The following FRMD5 variants were observed in gnomAD, a reference collection of about 807,000 sequenced individuals.
FRMD5 encodes FERM domain containing 5.
A neutral mutation model predicts 69.0 loss-of-function variants in FRMD5; 20 were observed. The ratio of observed to expected loss-of-function variants is 0.29; its 90% CI spans 0.20 to 0.42. FRMD5 has a LOEUF of 0.42. FRMD5 is among the 10% of genes least tolerant of loss of function. FRMD5 has a pLI of 1.00. For missense variants in FRMD5, 595 were observed against 708.6 expected, an observed-to-expected ratio of 0.84 and a Z score of 1.82; for synonymous variants, 271 against 260.1, an observed-to-expected ratio of 1.04 and a Z score of -0.40.
At chr15:44,156,813 T>G (rs1409887916) in intron 1 of FRMD5, among the ~76,000 whole-genome samples, 4 of 152,202 alleles carry the variant, frequency 2.6e-5, no homozygotes, top group Non-Finnish European at 5.9e-5. Flanking sequence ...TCTACTCTAG[T>G]ACCAGCTACT....
chr15:44,011,561 C>T (rs1366084427), intron 1 of FRMD5, among the ~76,000 whole-genome samples: 2 of 152,098 alleles, frequency 1.3e-5, no homozygotes, highest in Non-Finnish European at 2.9e-5. Context: ...CGACTGAAGC[C>T]CTGAGGAGAG....
intron 1 of FRMD5, among the ~76,000 whole-genome samples, chr15:44,022,108 A>C (rs1891233696): frequency 6.6e-6 from 1 of 152,186 alleles, no homozygotes; most frequent in African/African-American, 2.4e-5. Context: ...AGAAAGTAGA[A>C]GAGTGGTTAC....
At chr15:44,073,754 C>T (rs1893638860) in intron 1 of FRMD5, among the ~76,000 whole-genome samples, 1 of 152,128 alleles carries the variant, frequency 6.6e-6, no homozygotes, top group Non-Finnish European at 1.5e-5. Flanking sequence ...AGGGGGTTCC[C>T]ACATCCTTCC....
rs536245567 is a variant in FRMD5 at position 44,106,854 on chromosome 15, C to CA, written c.102+88098dup. Among the ~76,000 whole-genome samples, 18 of 152,336 alleles carry CA rather than the reference C, an allele frequency of 1.2e-4. No individual in the cohort carries two copies. In the East Asian group the frequency reaches 3.5e-3, roughly 29 times the overall value. ...GCTGATGAAATACATTAGCCATTCT[C>CA]AAACTTTTTGGTCTCAGGACCCCTT... On this transcript the variant is annotated intron_variant, in intron 1 of 13. Coordinates refer to ENST00000417257, the MANE Select transcript of FRMD5 (RefSeq NM_032892.5).
chr15:43,957,914 T>C (rs2090139863), intron 1 of FRMD5, among the ~76,000 whole-genome samples: 1 of 152,212 alleles, frequency 6.6e-6, no homozygotes, highest in Non-Finnish European at 1.5e-5. Flanking sequence ...TTACTGAGTC[T>C]TTACTGTGGG....
At chr15:43,972,886 T>C (rs1370097977) in intron 1 of FRMD5, among the ~76,000 whole-genome samples, 3 of 152,256 alleles carry the variant, frequency 2.0e-5, no homozygotes, top group Non-Finnish European at 4.4e-5. Flanking sequence ...GGCTTCTACA[T>C]GATTGCTTTT....
At chr15:43,976,848 T>G (rs2090471221) in intron 1 of FRMD5, among the ~76,000 whole-genome samples, 1 of 151,776 alleles carries the variant, frequency 6.6e-6, no homozygotes, top group Non-Finnish European at 1.5e-5. Context: ...TTTTTTTCTT[T>G]TGAGACAGAA....
intron 1 of FRMD5, among the ~76,000 whole-genome samples, chr15:43,945,444 C>A (rs1435766206): frequency 6.6e-6 from 1 of 152,118 alleles, no homozygotes; most frequent in African/African-American, 2.4e-5. Flanking sequence ...CAGAGGAGAA[C>A]TGATTTAAAT....
chr15:44,116,258 GTTTTGT>G (rs1250114283), intron 1 of FRMD5, among the ~76,000 whole-genome samples: 4 of 150,474 alleles, frequency 2.7e-5, no homozygotes, highest in African/African-American at 7.3e-5. Context: ...GTTTTGTTTT[GTTTTGT>G]TTTTAAGAGA....
chr15:43,976,074 A>C (rs1170400567), intron 1 of FRMD5, among the ~76,000 whole-genome samples: 2 of 151,916 alleles, frequency 1.3e-5, no homozygotes, highest in African/African-American at 4.8e-5. Context: ...AAAAAAAAAA[A>C]AGGGAGAGGG....
chr15:43,878,730 C>T (rs866867545), intron 13 of FRMD5, among the ~76,000 whole-genome samples: 1 of 152,280 alleles, frequency 6.6e-6, no homozygotes, highest in Middle Eastern at 3.4e-3. Flanking sequence ...ACAGCTCTGA[C>T]TGCAGGATCT....
chr15:44,008,204 A>G, intron 1 of FRMD5, among the ~76,000 whole-genome samples: 1 of 143,534 alleles, frequency 7.0e-6, no homozygotes, highest in East Asian at 2.1e-4. Flanking sequence ...AAGTGCTGGG[A>G]TTACAGGCAT....
chr15:44,112,004 C>T (rs1186662346), intron 1 of FRMD5, among the ~76,000 whole-genome samples: 17 of 152,064 alleles, frequency 1.1e-4, no homozygotes, highest in South Asian at 6.2e-4. Context: ...CCACCACATC[C>T]GGCTAATTTT....
intron 1 of FRMD5, among the ~76,000 whole-genome samples, chr15:43,980,588 C>G (rs1051858127): frequency 6.6e-6 from 1 of 152,162 alleles, no homozygotes; most frequent in Non-Finnish European, 1.5e-5. Flanking sequence ...CTACTCTTGA[C>G]ACCATTCTTG....
In FRMD5 at chr15:44,121,436, G is replaced by A. The variant is rs886240669; in HGVS notation, c.102+73517C>T. ...TGGGAAAGGCTATTAAAAAAGTATTGCCATATTAGTGCTGAAATCTTGATC... is the reference window on the plus strand; with the variant it reads ...TGGGAAAGGCTATTAAAAAAGTATTACCATATTAGTGCTGAAATCTTGATC... On this transcript the variant is annotated intron_variant, in intron 1 of 13. Coordinates refer to ENST00000417257, the MANE Select transcript of FRMD5 (RefSeq NM_032892.5). Among the ~76,000 whole-genome samples, 7 of 152,148 alleles carry A rather than the reference G, an allele frequency of 4.6e-5. 1 individual carries two copies. The South Asian group carries it at 6.2e-4, about 14-fold the overall frequency.
chr15:43,986,419 G>T (rs1168874432), intron 1 of FRMD5, among the ~76,000 whole-genome samples: 1 of 152,190 alleles, frequency 6.6e-6, no homozygotes, highest in East Asian at 1.9e-4. Context: ...CTATTTAAGG[G>T]ACTCTAGATA....
chr15:44,132,735 A>AATGTATGTATGT (rs556557718), intron 1 of FRMD5, among the ~76,000 whole-genome samples: 84 of 118,116 alleles, frequency 7.1e-4, no homozygotes, highest in African/African-American at 2.3e-3. Context: ...GGACATCATG[A>AATGTATGTATGT]ATGTATGTAT....
At chr15:44,157,466 C>T (rs1007024569) in intron 1 of FRMD5, among the ~76,000 whole-genome samples, 2 of 152,070 alleles carry the variant, frequency 1.3e-5, no homozygotes, top group African/African-American at 4.8e-5. Flanking sequence ...CTGTAGTATC[C>T]TACAGGTAGT....
chr15:44,185,246 G>A (rs2078079455), intron 1 of FRMD5, among the ~76,000 whole-genome samples: 1 of 152,154 alleles, frequency 6.6e-6, no homozygotes, highest in Admixed American at 6.5e-5. Flanking sequence ...TGAAGAAGTT[G>A]CATTCCAGTA....
Sources: allele counts gnomAD v4.1 joint callset (sites outside exome capture counted in the v4.1 genomes callset), GRCh38; gene constraint gnomAD v4.1.1; transcripts MANE v1.5; gene names NCBI Gene and HGNC (gene_info 2026-07-23, HGNC 2026-07-21).